The following YARS2 variants were observed in gnomAD, a reference collection of about 807,000 sequenced individuals.
YARS2 encodes tyrosyl-tRNA synthetase 2.
YARS2 carries 38 observed loss-of-function variants against 45.0 expected under a neutral mutation model. The ratio of observed to expected loss-of-function variants is 0.84; its 90% CI spans 0.65 to 1.11. The LOEUF (loss-of-function observed/expected upper bound fraction) is 1.11, where lower values mean the gene tolerates loss of function less well. Ranked by LOEUF, YARS2 falls within the 50% of genes least tolerant of loss-of-function variation. YARS2 has a pLI of 0.00. For synonymous variants in YARS2, 287 were observed against 245.1 expected (o/e 1.17, Z -1.60); for missense variants, 602 against 599.8 (o/e 1.00, Z -0.04).
In YARS2 at chr12:32,755,240, T is replaced by A. The variant is rs775199421; in HGVS notation, c.635A>T (p.Glu212Val). The A allele has an allele frequency of 1.2e-6, 2 of 1,614,162 alleles. No homozygotes were observed. Among genetic ancestry groups the A allele is most frequent in the Non-Finnish European group, 1.7e-6 (2 of 1,180,038 alleles). ...AAAGAACTCGGCCAAGCTCATGCCC[T>A]CGGGGCTCTTGAGCCGCAGCTGCAC... ...QSVQLRLKSP[E>V]GMSLAEFFYQ... is the part of the protein sequence containing the mutation. The change falls in exon 1 of 5, where the codon GAG (glutamate) becomes GTG (valine). Residue 212 changes from glutamate (E) to valine (V), a missense_variant. Glu to Val is a moderately radical substitution (Grantham distance 121). Coordinates refer to ENST00000324868, the MANE Select transcript of YARS2 (RefSeq NM_001040436.3).
intron 4 of YARS2, 98 bp from the exon 5 acceptor site, chr12:32,747,461 T>G: frequency 7.9e-7 from 1 of 1,264,566 alleles, no homozygotes; most frequent in East Asian, 2.3e-5. Context: ...GGCTCTCCAA[T>G]TGAGAAGATT....
chr12:32,755,094 AC>A lies in YARS2; in HGVS notation c.779+1del. 6.2e-7 allele frequency: 1 copy of A among 1,614,176 alleles called. No homozygotes were observed. The highest frequency in any genetic ancestry group is 8.5e-7 in the Non-Finnish European group (1 of 1,180,030). ...ATTTCCCCAAGGTTTAAAGGCACTT[AC>A]TTGTTGATGAACTCATATCCGGACA... On this transcript the variant is annotated splice_donor_variant, in intron 1 of 4. Coordinates refer to ENST00000324868, the MANE Select transcript of YARS2 (RefSeq NM_001040436.3). LOFTEE classifies it high-confidence loss of function.
intron 2 of YARS2, among the ~76,000 whole-genome samples, chr12:32,751,273 G>A (rs1955740265): frequency 6.6e-6 from 1 of 151,774 alleles, no homozygotes; most frequent in Non-Finnish European, 1.5e-5. Context: ...CTCCTGTGTT[G>A]CCCAGGCTGG....
At position 32,747,097 on chromosome 12, in the gene YARS2, T is replaced by C. The variant is rs1439756710; in HGVS notation, c.*107A>G. The C allele has an allele frequency of 8.6e-7, 1 of 1,167,114 alleles. No individual in the cohort carries two copies. Among genetic ancestry groups the C allele is most frequent in the Admixed American group, 2.1e-5 (1 of 47,590 alleles). The allele number at this position is 1,167,114 out of a possible 1,614,324, so 72.3% of individuals were successfully genotyped here. A position where few individuals can be genotyped will look rare whatever the true frequency, so the allele number is the denominator to read the frequency against. Reference sequence around the variant, plus strand: ...TCACACTGAGTCCTAGTCCATTCTGTTTTTCTGATTTGCATAAGCAAAGGT... The same window carrying C: ...TCACACTGAGTCCTAGTCCATTCTGCTTTTCTGATTTGCATAAGCAAAGGT... On this transcript the variant is annotated 3_prime_UTR_variant, in exon 5 of 5. Transcript: ENST00000324868.
chr12:32,753,777 C>T (rs2137659277), intron 2 of YARS2, 141 bp downstream of exon 2: 1 of 1,117,082 alleles, frequency 9.0e-7, no homozygotes, highest in Non-Finnish European at 1.3e-6. Context: ...AAAAATTAGT[C>T]TTCTATGATG....
Position 32,747,005 on chromosome 12 carries a change from C to T in YARS2, c.*199G>A. On this transcript the variant is annotated 3_prime_UTR_variant, in exon 5 of 5. Transcript: ENST00000324868. ...TCTATGGTAATCAAGCTTTGTACATCAGAAAATAAAACATCCCATTATTAA... is the reference window on the plus strand; with the variant it reads ...TCTATGGTAATCAAGCTTTGTACATTAGAAAATAAAACATCCCATTATTAA... The T allele has an allele frequency of 1.8e-6, 1 of 561,154 alleles. No individual in the cohort carries two copies. Among genetic ancestry groups the T allele is most frequent in the South Asian group, 2.2e-5 (1 of 45,834 alleles). 34.8% of individuals were successfully genotyped at this position (561,154 alleles called of 1,614,324 possible).
chr12:32,749,867 TCTC>T (rs1236921258), intron 4 of YARS2, 67 bp downstream of exon 4: 7 of 1,587,686 alleles, frequency 4.4e-6, no homozygotes, highest in East Asian at 2.2e-5. Context: ...ATGAGCCACT[TCTC>T]CTGGCCTTGT....
chr12:32,747,470 T>C, intron 4 of YARS2, 107 bp from the exon 5 acceptor site: 5 of 1,191,362 alleles, frequency 4.2e-6, no homozygotes, highest in Non-Finnish European at 6.2e-6. Context: ...ATTGAGAAGA[T>C]TTCATTTGGC....
In YARS2 at chr12:32,747,354, C is replaced by T. The variant is rs1955659824; in HGVS notation, c.1284G>A (p.Met428Ile). The change falls in exon 5 of 5, where the codon ATG (methionine) becomes ATA (isoleucine). Residue 428 changes from methionine to isoleucine, a missense_variant. Physicochemically the swap from Met to Ile is conservative, Grantham distance 10. Coordinates refer to ENST00000324868, the MANE Select transcript of YARS2 (RefSeq NM_001040436.3). ...AIPDGPRGYR[M>I]ITEGGVSINH... is the part of the protein sequence containing the mutation. The stretch of plus-strand genomic sequence containing the variant: ...TTATGCTGACTCCGCCTTCTGTTAT[C>T]ATTCGATACCTAAAAAATAGAAACG... 6.2e-7 allele frequency: 1 copy of T among 1,613,632 alleles called. No individual in the cohort carries two copies. The highest frequency in any genetic ancestry group is 8.5e-7 in the Non-Finnish European group (1 of 1,179,898).
At chr12:32,753,251 G>A (rs1378474632) in intron 2 of YARS2, among the ~76,000 whole-genome samples, 3 of 152,192 alleles carry the variant, frequency 2.0e-5, no homozygotes, top group East Asian at 1.9e-4. Flanking sequence ...ACTCTAGCCT[G>A]GGCAATGGGA....
intron 2 of YARS2, among the ~76,000 whole-genome samples, chr12:32,751,747 G>A (rs1284624302): frequency 2.0e-5 from 3 of 152,134 alleles, no homozygotes; most frequent in South Asian, 2.1e-4. Flanking sequence ...TCTTGCATGC[G>A]CAGTTCACAA....
At chr12:32,749,020 CTGAT>C (rs1001101195) in intron 4 of YARS2, among the ~76,000 whole-genome samples, 1 of 152,164 alleles carries the variant, frequency 6.6e-6, no homozygotes. Flanking sequence ...TACCTCATAA[CTGAT>C]TAATTAAAAT....
intron 4 of YARS2, among the ~76,000 whole-genome samples, chr12:32,749,220 G>A (rs1297097036): frequency 2.0e-5 from 3 of 152,034 alleles, no homozygotes; most frequent in Non-Finnish European, 4.4e-5. Flanking sequence ...TCCCATCCCC[G>A]AATATAAAAA....
At position 32,747,279 on chromosome 12, in the gene YARS2, A is replaced by G. The variant is rs1955657895; in HGVS notation, c.1359T>C (p.His453=). 1 of 1,613,862 alleles carries G rather than the reference A, an allele frequency of 6.2e-7. No individual in the cohort carries two copies. The highest frequency in any genetic ancestry group is 1.3e-5 in the African/African-American group (1 of 74,948). The change falls in exon 5 of 5, where the codon CAT becomes CAC. Residue 453 remains histidine (H), a synonymous_variant. Coordinates refer to ENST00000324868, the MANE Select transcript of YARS2 (RefSeq NM_001040436.3). ...GTAAGGAAAGTCCATTCTTGAGAATATGTTGTCCAACAATTAAAACACTCT... is the reference window on the plus strand; with the variant it reads ...GTAAGGAAAGTCCATTCTTGAGAATGTGTTGTCCAACAATTAAAACACTCT... ...NPESVLIVGQ[H]ILKNGLSLLK...
intron 2 of YARS2, 28 bp from the exon 3 acceptor site, chr12:32,750,902 C>G: frequency 6.2e-7 from 1 of 1,612,190 alleles, no homozygotes; most frequent in East Asian, 2.2e-5. Flanking sequence ...AAGAGTTACA[C>G]TTATATAACA....
chr12:32,752,403 G>A (rs986195589), intron 2 of YARS2, among the ~76,000 whole-genome samples: 22 of 152,130 alleles, frequency 1.4e-4, no homozygotes, highest in African/African-American at 5.1e-4. Flanking sequence ...TATATATAAA[G>A]TAATTGTATT....
In YARS2 at chr12:32,755,345, T is replaced by A. The variant is rs1955827962; in HGVS notation, c.530A>T (p.Tyr177Phe). 6.2e-7 allele frequency: 1 copy of A among 1,614,088 alleles called. No homozygotes were observed. Reference sequence around the variant, plus strand: ...GAAGTCCACCAGGTGCTGCTTCTGGTACCAGGCCGAGTTGTCCAGCACAGT... The same window carrying A: ...GAAGTCCACCAGGTGCTGCTTCTGGAACCAGGCCGAGTTGTCCAGCACAGT... The part of the protein sequence containing the change: ...SFTVLDNSAW[Y>F]QKQHLVDFLA... The change falls in exon 1 of 5, where the codon TAC becomes TTC. Residue 177 changes from tyrosine (Y) to phenylalanine (F), a missense_variant. Coordinates refer to ENST00000324868, the MANE Select transcript of YARS2 (RefSeq NM_001040436.3).
Position 32,754,046 on chromosome 12 carries a change from T to C in YARS2, c.819A>G (p.Leu273=), listed in dbSNP as rs149781186. Residue 273 remains leucine (L), a synonymous_variant, in exon 2 of 5, where the codon CTA becomes CTG. Transcript: ENST00000324868. ...GEDVFGITVP[L]ITSTTGAKLG... ...GCTTTGCTCCAGTTGTACTTGTAAT[T>C]AGAGGAACGGTGATTCCAAATACAT... is the stretch of plus-strand genomic sequence containing the variant. 327 of 1,614,110 alleles carry C rather than the reference T, an allele frequency of 2.0e-4. No homozygotes were observed. The highest frequency in any genetic ancestry group is 2.7e-4 in the Non-Finnish European group (320 of 1,180,052).
At chr12:32,750,583 C>A in intron 3 of YARS2, 136 bp downstream of exon 3, 15 of 1,084,520 alleles carry the variant, frequency 1.4e-5, no homozygotes, top group Non-Finnish European at 2.0e-5. Context: ...TAAACAGGGG[C>A]TATTTTAAAT....
Sources: gnomAD v4.1 joint callset for allele counts (sites outside exome capture counted in the v4.1 genomes callset) on GRCh38, gnomAD v4.1.1 for gene constraint, MANE v1.5 for transcripts, NCBI Gene and HGNC (gene_info 2026-07-23, HGNC 2026-07-21) for gene names.